Variants in FRMD4A observed in about 807,000 individuals in gnomAD.
FRMD4A encodes FERM domain containing 4A, also known as FERM domain-containing protein 4A.
A neutral mutation model predicts 129.1 loss-of-function variants in FRMD4A; 29 were observed. The observed-to-expected ratio is 0.22, with a 90% CI of 0.17 to 0.31. The LOEUF is 0.31. FRMD4A is among the 10% of genes least tolerant of loss of function. The pLI is 1.00. For synonymous variants in FRMD4A, 634 were observed against 571.6 expected (o/e 1.11, Z -1.56); for missense variants, 1,272 against 1,375.8 (o/e 0.92, Z 1.19).
At chr10:13,649,008 A>T (rs1469493919) in intron 24 of FRMD4A, among the ~76,000 whole-genome samples, 2 of 152,164 alleles carry the variant, frequency 1.3e-5, no homozygotes, top group African/African-American at 4.8e-5. Flanking sequence ...CATATATTAA[A>T]GGTTCTGAGA....
intron 2 of FRMD4A, among the ~76,000 whole-genome samples, chr10:13,951,929 T>TAATAAAAATAAA (rs1554984653): frequency 6.9e-6 from 1 of 145,966 alleles, no homozygotes; most frequent in African/African-American, 2.5e-5. Flanking sequence ...ATAATAATAA[T>TAATAAAAATAAA]AAACAATCTA....
intron 2 of FRMD4A, among the ~76,000 whole-genome samples, chr10:14,285,932 G>A (rs930996533): frequency 2.6e-5 from 4 of 152,208 alleles, no homozygotes; most frequent in Non-Finnish European, 5.9e-5. Flanking sequence ...ACACTCTTCT[G>A]CTACCCATTT....
intron 2 of FRMD4A, among the ~76,000 whole-genome samples, chr10:14,280,715 A>T (rs528039443): frequency 5.5e-4 from 83 of 152,216 alleles, no homozygotes; most frequent in African/African-American, 2.0e-3. Context: ...AGGTATGTGG[A>T]TTTCTAAAAA....
intron 24 of FRMD4A, among the ~76,000 whole-genome samples, chr10:13,649,897 ACTGGAACATGAG>A (rs2081409822): frequency 6.6e-6 from 1 of 152,240 alleles, no homozygotes; most frequent in Admixed American, 6.5e-5. Context: ...TCAGTCATTC[ACTGGAACATGAG>A]CTGGGGCAGG....
At chr10:14,254,663 G>A (rs1844549438) in intron 2 of FRMD4A, among the ~76,000 whole-genome samples, 1 of 151,832 alleles carries the variant, frequency 6.6e-6, no homozygotes. Context: ...TGCCTTGCAA[G>A]TTGTATTACT....
At chr10:14,134,932 A>G (rs1839458382) in intron 2 of FRMD4A, among the ~76,000 whole-genome samples, 1 of 152,236 alleles carries the variant, frequency 6.6e-6, no homozygotes, top group South Asian at 2.1e-4. Context: ...ACCCTGTTAC[A>G]GTTGACATCA....
At chr10:14,126,168 AC>A (rs1838828599) in intron 2 of FRMD4A, among the ~76,000 whole-genome samples, 1 of 89,878 alleles carries the variant, frequency 1.1e-5, no homozygotes, top group Non-Finnish European at 2.3e-5. Context: ...AACCTTGCCC[AC>A]TTTTTTTTTT....
Position 14,324,817 on chromosome 10 carries a change from C to T in FRMD4A, c.45+5241G>A, listed in dbSNP as rs949838937. On this transcript the variant is annotated intron_variant, in intron 2 of 24. Coordinates refer to ENST00000357447, the MANE Select transcript of FRMD4A (RefSeq NM_018027.5). ...GTGGGACTACAGGTGCACCCCACCA[C>T]GCCTTGCTAATTTTTGTATTTTTAG... is the stretch of plus-strand genomic sequence containing the variant. Among the ~76,000 whole-genome samples, 16 of 152,308 alleles carry T rather than the reference C, an allele frequency of 1.1e-4. 3 individuals are homozygous for T. Among genetic ancestry groups the T allele is most frequent in the Admixed American group, 6.5e-5 (1 of 15,298 alleles).
At chr10:13,992,878 C>A (rs916401738) in intron 2 of FRMD4A, among the ~76,000 whole-genome samples, 2 of 136,842 alleles carry the variant, frequency 1.5e-5, no homozygotes, top group African/African-American at 5.3e-5. Flanking sequence ...GCTTGACCCC[C>A]GGTGGCAGAG....
chr10:14,174,454 G>C (rs1384049690), intron 2 of FRMD4A, among the ~76,000 whole-genome samples: 3 of 152,220 alleles, frequency 2.0e-5, no homozygotes, highest in Non-Finnish European at 2.9e-5. Flanking sequence ...GGAGGCGAGG[G>C]GGGCTGAGCC....
chr10:13,859,152 C>T lies in FRMD4A; in HGVS notation c.46-240G>A, dbSNP rs61833454. 9.7e-3 allele frequency among the ~76,000 whole-genome samples: 1,479 copies of T among 152,192 alleles called. 8 individuals carry two copies. The highest frequency in any genetic ancestry group is 0.021 in the Admixed American group (319 of 15,272). On this transcript the variant is annotated intron_variant, in intron 2 of 24. Coordinates refer to ENST00000357447, the MANE Select transcript of FRMD4A (RefSeq NM_018027.5). ...CAGTACTTTAGGAGGCCAAGGTGGG[C>T]GGATCACCTGAGGTCAGGAGTTTGA...
intron 2 of FRMD4A, among the ~76,000 whole-genome samples, chr10:14,069,433 G>A (rs1406649023): frequency 1.3e-5 from 2 of 152,044 alleles, no homozygotes; most frequent in Admixed American, 1.3e-4. Flanking sequence ...TCAGGGAGAG[G>A]GCTCATAAGT....
chr10:13,980,305 G>A (rs1394248142), intron 2 of FRMD4A, among the ~76,000 whole-genome samples: 1 of 152,076 alleles, frequency 6.6e-6, no homozygotes, highest in Non-Finnish European at 1.5e-5. Context: ...TCCAGAGTCG[G>A]GACTCCAACA....
chr10:13,971,743 A>G (rs2095519723), intron 2 of FRMD4A: 1 of 1,304,372 alleles, frequency 7.7e-7, no homozygotes, highest in Non-Finnish European at 1.0e-6. Context: ...TCAGCGCCCG[A>G]CAAGTCAGGT....
intron 2 of FRMD4A, among the ~76,000 whole-genome samples, chr10:13,921,025 C>T (rs548026511): frequency 6.6e-6 from 1 of 152,270 alleles, no homozygotes; most frequent in Admixed American, 6.5e-5. Context: ...AATACATAGA[C>T]TGGGTTCTAT....
chr10:13,960,234 T>C (rs1432732829), intron 2 of FRMD4A, among the ~76,000 whole-genome samples: 3 of 152,224 alleles, frequency 2.0e-5, no homozygotes, highest in Non-Finnish European at 2.9e-5. Context: ...AAAGCCTTCA[T>C]TGAATTTCCC....
intron 2 of FRMD4A, among the ~76,000 whole-genome samples, chr10:14,034,094 G>A (rs1833386729): frequency 6.6e-6 from 1 of 152,214 alleles, no homozygotes; most frequent in African/African-American, 2.4e-5. Context: ...AATAGCAAGA[G>A]CTATCTGTTA....
intron 2 of FRMD4A, among the ~76,000 whole-genome samples, chr10:13,967,953 G>T (rs556129463): frequency 6.6e-6 from 1 of 152,346 alleles, no homozygotes; most frequent in African/African-American, 2.4e-5. Flanking sequence ...GGCTGAGGTG[G>T]AGGATCCCCA....
At chr10:13,895,234 C>T (rs934043437) in intron 2 of FRMD4A, among the ~76,000 whole-genome samples, 4 of 152,158 alleles carry the variant, frequency 2.6e-5, no homozygotes, top group Admixed American at 6.5e-5. Context: ...CTTCCCCCTC[C>T]TCTCACCCTC....
Sources: gnomAD v4.1 joint callset for allele counts (sites outside exome capture counted in the v4.1 genomes callset) on GRCh38, gnomAD v4.1.1 for gene constraint, MANE v1.5 for transcripts, NCBI Gene and HGNC (gene_info 2026-07-23, HGNC 2026-07-21) for gene names.